Variants in ZFAND3 observed in about 807,000 individuals in gnomAD.
The protein encoded by ZFAND3 is AN1-type zinc finger protein 3.
ZFAND3 carries 10 observed loss-of-function variants against 29.6 expected under a neutral mutation model. That is an observed-to-expected ratio of 0.34 (90% CI 0.21 to 0.57). The LOEUF (loss-of-function observed/expected upper bound fraction) is 0.57, where lower values mean the gene tolerates loss of function less well. Ranked by LOEUF, ZFAND3 falls within the 20% of genes least tolerant of loss-of-function variation. The pLI, the probability that ZFAND3 is intolerant of heterozygous loss-of-function variation, is 0.86. For synonymous variants in ZFAND3, 128 were observed against 112.6 expected (o/e 1.14, Z -0.87); for missense variants, 230 against 304.5 (o/e 0.76, Z 1.82).
intron 1 of ZFAND3, among the ~76,000 whole-genome samples, chr6:37,911,350 A>AT (rs374625058): frequency 1.3e-5 from 2 of 152,300 alleles, no homozygotes; most frequent in African/African-American, 4.8e-5. Context: ...CTTTTGGGAA[A>AT]TGTCTATTCA....
chr6:38,036,985 T>C (rs1763670203), intron 2 of ZFAND3, among the ~76,000 whole-genome samples: 1 of 152,214 alleles, frequency 6.6e-6, no homozygotes, highest in Non-Finnish European at 1.5e-5. Context: ...ATTTATCTTA[T>C]ATATCAGTAC....
chr6:38,085,226 A>G (rs1037483384), intron 4 of ZFAND3, among the ~76,000 whole-genome samples: 1 of 152,222 alleles, frequency 6.6e-6, no homozygotes, highest in African/African-American at 2.4e-5. Flanking sequence ...ACTGTGAGGT[A>G]GTCTCCCAGA....
intron 1 of ZFAND3, among the ~76,000 whole-genome samples, chr6:37,879,318 GT>G (rs1191450650): frequency 6.6e-6 from 1 of 151,454 alleles, no homozygotes; most frequent in Non-Finnish European, 1.5e-5. Context: ...AAATGCAGAA[GT>G]TTTTTTTGTT....
intron 1 of ZFAND3, among the ~76,000 whole-genome samples, chr6:37,908,459 G>A (rs1470940755): frequency 6.7e-6 from 1 of 148,868 alleles, no homozygotes; most frequent in Non-Finnish European, 1.5e-5. Flanking sequence ...ACCCACTAAC[G>A]TGTCATCTAG....
rs562084278 is a variant in ZFAND3 at position 38,152,090 on chromosome 6, C to G, written c.530-145C>G. ...CAGGGTGCAGGTGTTGGAGTGAGCT[C>G]TCTGCTGCATCAGGAACCCCTGCAG... is the stretch of plus-strand genomic sequence containing the variant. On this transcript the variant is annotated intron_variant, in intron 5 of 5. Coordinates refer to ENST00000287218, the MANE Select transcript of ZFAND3 (RefSeq NM_021943.3). 3.7e-5 allele frequency: 27 copies of G among 730,696 alleles called. No homozygotes were observed. In the African/African-American group the frequency reaches 4.7e-4, roughly 13 times the overall value. The allele number at this position is 730,696 out of a possible 1,614,324, so 45.3% of individuals were successfully genotyped here.
chr6:37,909,290 T>C (rs13213465), intron 1 of ZFAND3, among the ~76,000 whole-genome samples: 1 of 142,272 alleles, frequency 7.0e-6, no homozygotes. Flanking sequence ...TTTTTTTTTT[T>C]CTTTTTTGAG....
intron 4 of ZFAND3, among the ~76,000 whole-genome samples, chr6:38,109,663 G>A (rs1010680018): frequency 5.9e-5 from 9 of 152,118 alleles, no homozygotes; most frequent in African/African-American, 2.2e-4. Context: ...GATGGGCTGT[G>A]AGGAAGTGAA....
chr6:38,151,987 T>C (rs1766236360), intron 5 of ZFAND3, among the ~76,000 whole-genome samples: 2 of 152,134 alleles, frequency 1.3e-5, no homozygotes, highest in African/African-American at 4.8e-5. Flanking sequence ...GCCATCAACT[T>C]AGGGTTCTAC....
chr6:38,088,683 A>T (rs1764804506), intron 4 of ZFAND3, among the ~76,000 whole-genome samples: 1 of 152,216 alleles, frequency 6.6e-6, no homozygotes, highest in Non-Finnish European at 1.5e-5. Flanking sequence ...CGCTCTATCT[A>T]TATTCACTTT....
intron 4 of ZFAND3, among the ~76,000 whole-genome samples, chr6:38,103,773 A>C (rs1478740338): frequency 2.0e-5 from 3 of 152,150 alleles, no homozygotes; most frequent in African/African-American, 7.2e-5. Flanking sequence ...GTGGACTTTG[A>C]GAAGTAGATT....
intron 1 of ZFAND3, among the ~76,000 whole-genome samples, chr6:37,918,366 C>T (rs1009756976): frequency 3.3e-5 from 5 of 152,166 alleles, no homozygotes; most frequent in African/African-American, 9.7e-5. Context: ...TGAGCCACTG[C>T]GCCTGGCCTG....
chr6:38,058,692 A>T (rs1026532818), intron 2 of ZFAND3, among the ~76,000 whole-genome samples: 2 of 152,280 alleles, frequency 1.3e-5, no homozygotes, highest in Non-Finnish European at 2.9e-5. Flanking sequence ...TGTGGTTGTG[A>T]TTGAAGACCA....
intron 2 of ZFAND3, among the ~76,000 whole-genome samples, chr6:38,024,032 T>G (rs1763400295): frequency 6.6e-6 from 1 of 152,148 alleles, no homozygotes; most frequent in South Asian, 2.1e-4. Context: ...ACCGTCTCTT[T>G]AAATCAAACA....
intron 3 of ZFAND3, among the ~76,000 whole-genome samples, chr6:38,076,054 G>A (rs545967865): frequency 1.3e-5 from 2 of 151,976 alleles, no homozygotes; most frequent in Non-Finnish European, 1.5e-5. Flanking sequence ...TCCCGGCCTC[G>A]TTTTCTTTTT....
At chr6:38,125,160 C>A (rs1406629233) in intron 5 of ZFAND3, among the ~76,000 whole-genome samples, 3 of 152,156 alleles carry the variant, frequency 2.0e-5, no homozygotes, top group Admixed American at 2.0e-4. Context: ...TGCTATACTC[C>A]TCCCTTCACT....
intron 4 of ZFAND3, among the ~76,000 whole-genome samples, chr6:38,114,104 T>G (rs1475002050): frequency 6.6e-6 from 1 of 152,184 alleles, no homozygotes. Flanking sequence ...GACACCTGCC[T>G]CCCAGTGGGA....
chr6:38,085,748 C>T (rs1172186878), intron 4 of ZFAND3, among the ~76,000 whole-genome samples: 1 of 152,088 alleles, frequency 6.6e-6, no homozygotes. Flanking sequence ...CCCATACATG[C>T]AGTTTATAAA....
chr6:38,127,488 A>T (rs1765656634), intron 5 of ZFAND3, among the ~76,000 whole-genome samples: 3 of 152,222 alleles, frequency 2.0e-5, no homozygotes, highest in Non-Finnish European at 4.4e-5. Flanking sequence ...ACCTGAGCTT[A>T]GCCCTCTTAT....
Position 38,154,569 on chromosome 6 carries a change from G to A in ZFAND3, c.*2180G>A. ...ATTGTGAAAATATTAAAAGAATCTT[G>A]TAACTTTATTCTTTTTTCTCCTGCT... is the stretch of plus-strand genomic sequence containing the variant. On this transcript the variant is annotated 3_prime_UTR_variant, in exon 6 of 6. Transcript: ENST00000287218. The A allele has an allele frequency of 1.0e-6, 1 of 973,548 alleles. No individual in the cohort carries two copies. Among genetic ancestry groups the A allele is most frequent in the Non-Finnish European group, 1.2e-6 (1 of 818,850 alleles). The allele number at this position is 973,548 out of a possible 1,614,324, so 60.3% of individuals were successfully genotyped here.
Sources: gnomAD v4.1 joint callset for allele counts (sites outside exome capture counted in the v4.1 genomes callset) on GRCh38, gnomAD v4.1.1 for gene constraint, MANE v1.5 for transcripts, NCBI Gene and HGNC (gene_info 2026-07-23, HGNC 2026-07-21) for gene names.